The following PCGF6 variants were observed in gnomAD, a reference collection of about 807,000 sequenced individuals.
PCGF6 encodes the protein polycomb group ring finger 6, also known as polycomb group RING finger protein 6.
Under a neutral mutation model 45.5 loss-of-function variants are expected in PCGF6, and 24 were observed. That is an observed-to-expected ratio of 0.53 (90% CI 0.38 to 0.74). The LOEUF is 0.74. Among genes scored for constraint, PCGF6 ranks in the 30% least tolerant of loss-of-function variants. PCGF6 has a pLI of 0.00. For missense variants in PCGF6, 356 were observed against 443.2 expected (o/e 0.80, Z 1.77); for synonymous variants, 152 against 162.1 (o/e 0.94, Z 0.47).
intron 9 of PCGF6, among the ~76,000 whole-genome samples, chr10:103,308,609 C>T (rs1362108241): frequency 6.6e-6 from 1 of 151,998 alleles, no homozygotes; most frequent in African/African-American, 2.4e-5. Flanking sequence ...TGGTGGATCA[C>T]GCCTGTAATC....
intron 8 of PCGF6, among the ~76,000 whole-genome samples, chr10:103,319,967 C>T (rs1273234593): frequency 6.6e-6 from 1 of 151,918 alleles, no homozygotes; most frequent in Non-Finnish European, 1.5e-5. Context: ...ACCACCATGC[C>T]CAGCTAATTT....
chr10:103,317,429 T>C (rs1184059146), intron 8 of PCGF6, among the ~76,000 whole-genome samples: 2 of 152,192 alleles, frequency 1.3e-5, no homozygotes, highest in Admixed American at 1.3e-4. Context: ...TACAGATCTT[T>C]AAATTTTTTG....
intron 6 of PCGF6, among the ~76,000 whole-genome samples, chr10:103,340,396 G>C (rs116501581): frequency 0.013 from 2,032 of 151,852 alleles, 50 homozygotes; most frequent in African/African-American, 0.047. Flanking sequence ...TGACTGCCTT[G>C]AGCAGTGTGG....
intron 9 of PCGF6, among the ~76,000 whole-genome samples, chr10:103,305,356 C>T (rs1158139685): frequency 5.3e-5 from 8 of 151,994 alleles, no homozygotes; most frequent in Non-Finnish European, 1.0e-4. Context: ...CTGCAACCTC[C>T]GCCTCCCGGG....
intron 8 of PCGF6, among the ~76,000 whole-genome samples, chr10:103,319,645 A>C (rs2093189308): frequency 6.6e-6 from 1 of 152,094 alleles, no homozygotes; most frequent in Non-Finnish European, 1.5e-5. Flanking sequence ...GATGGCATGA[A>C]TTTTGTCTCA....
intron 8 of PCGF6, among the ~76,000 whole-genome samples, chr10:103,316,292 C>T (rs2093176125): frequency 6.6e-6 from 1 of 152,104 alleles, no homozygotes; most frequent in Non-Finnish European, 1.5e-5. Context: ...TTCTTATCTT[C>T]AATACTGTTT....
chr10:103,349,029 A>G, intron 1 of PCGF6, 30 bp from the exon 2 acceptor site: 2 of 1,559,336 alleles, frequency 1.3e-6, no homozygotes, highest in Non-Finnish European at 1.8e-6. Flanking sequence ...GTTTTAAAAT[A>G]CAAGTCCTTG....
At position 103,347,413 on chromosome 10, in the gene PCGF6, C is replaced by G; in HGVS notation, c.595G>C (p.Val199Leu). ...RQLQDIVYKL[V>L]INLEEREKKQ... ...AACTTACTTTCCTCTAGATTGATCA[C>G]TAATTTGTACACTATGTCTTGTAAC... The change falls in exon 4 of 10, where the codon GTG becomes CTG. Residue 199 changes from valine to leucine, a missense_variant. By Grantham distance (32) the Val-to-Leu change is conservative (BLOSUM62 1). Coordinates refer to ENST00000369847, the MANE Select transcript of PCGF6 (RefSeq NM_001011663.2). 6.2e-7 allele frequency: 1 copy of G among 1,607,728 alleles called. No homozygotes were observed. The highest frequency in any genetic ancestry group is 1.7e-4 in the Middle Eastern group (1 of 5,752).
chr10:103,327,800 G>A (rs2093224557), intron 7 of PCGF6, among the ~76,000 whole-genome samples: 3 of 151,108 alleles, frequency 2.0e-5, no homozygotes, highest in African/African-American at 4.9e-5. Flanking sequence ...TCAGTCTCCC[G>A]AGTAGCTGGG....
intron 5 of PCGF6, among the ~76,000 whole-genome samples, chr10:103,346,265 G>A (rs2093299081): frequency 6.6e-6 from 1 of 151,978 alleles, no homozygotes; most frequent in Non-Finnish European, 1.5e-5. Flanking sequence ...GCCAAGGTGG[G>A]AAGATCACCT....
intron 1 of PCGF6, among the ~76,000 whole-genome samples, chr10:103,349,269 A>G (rs2093311098): frequency 6.6e-6 from 1 of 151,280 alleles, no homozygotes; most frequent in African/African-American, 2.4e-5. Context: ...GCTGGTCTCG[A>G]ACCCCTGGCC....
intron 8 of PCGF6, among the ~76,000 whole-genome samples, chr10:103,326,294 CAGA>C (rs763418431): frequency 4.6e-4 from 68 of 149,134 alleles, no homozygotes; most frequent in Non-Finnish European, 7.2e-4. Flanking sequence ...GAGGCTGACG[CAGA>C]AGAATGGCGT....
At chr10:103,342,983 C>T (rs2093286475) in intron 6 of PCGF6, among the ~76,000 whole-genome samples, 1 of 152,096 alleles carries the variant, frequency 6.6e-6, no homozygotes, top group South Asian at 2.1e-4. Context: ...GGCTGGAGTG[C>T]AGTGGCACCA....
At chr10:103,332,433 G>A (rs1352345253) in intron 7 of PCGF6, among the ~76,000 whole-genome samples, 3 of 152,102 alleles carry the variant, frequency 2.0e-5, no homozygotes, top group Non-Finnish European at 4.4e-5. Flanking sequence ...ATGCCAACAT[G>A]CAGAGCTAAC....
Position 103,319,893 on chromosome 10 carries a change from C to A in PCGF6, c.910-5621G>T, listed in dbSNP as rs530334707. On this transcript the variant is annotated intron_variant, in intron 8 of 9. Coordinates refer to ENST00000369847, the MANE Select transcript of PCGF6 (RefSeq NM_001011663.2). The stretch of plus-strand genomic sequence containing the variant: ...CGATCTCGGCTCACCGCAACCTCCA[C>A]CTCCTGGATTCATGTGATTCTCCTG... Among the ~76,000 whole-genome samples, 137 of 152,264 alleles carry A rather than the reference C, an allele frequency of 9.0e-4. 1 individual carries two copies. The South Asian group carries it at 0.022, about 24-fold the overall frequency.
At chr10:103,349,974 T>C (rs1028685162) in intron 1 of PCGF6, among the ~76,000 whole-genome samples, 1 of 151,608 alleles carries the variant, frequency 6.6e-6, no homozygotes, top group East Asian at 2.0e-4. Context: ...TCCCAGCTAC[T>C]CTAAAGGCTG....
At chr10:103,349,079 C>CAAA in intron 1 of PCGF6, 80 bp from the exon 2 acceptor site, 1 of 1,202,930 alleles carries the variant, frequency 8.3e-7, no homozygotes, top group Non-Finnish European at 1.2e-6. Flanking sequence ...GACAGAGTCT[C>CAAA]ACTCTGTAGC....
intron 1 of PCGF6, among the ~76,000 whole-genome samples, chr10:103,349,541 C>T (rs1450859685): frequency 3.4e-5 from 4 of 118,092 alleles, no homozygotes; most frequent in Non-Finnish European, 5.0e-5. Context: ...AGTGCAGCGG[C>T]AAGATCTCGG....
In PCGF6 at chr10:103,314,332, T is replaced by C. The variant is rs764155753; in HGVS notation, c.910-60A>G. On this transcript the variant is annotated intron_variant, in intron 8 of 9. Transcript: ENST00000369847. ...TGCTTCAAAATACCATCTGAAGAAA[T>C]GAGGAAAACAAATCAACATAAATTG... 5.1e-6 allele frequency: 5 copies of C among 989,404 alleles called. No homozygotes were observed. In the South Asian group the frequency reaches 6.0e-5, roughly 12 times the overall value. 61.3% of individuals were successfully genotyped at this position (989,404 alleles called of 1,614,324 possible).
Sources: allele counts gnomAD v4.1 joint callset (sites outside exome capture counted in the v4.1 genomes callset), GRCh38; gene constraint gnomAD v4.1.1; transcripts MANE v1.5; gene names NCBI Gene and HGNC (gene_info 2026-07-23, HGNC 2026-07-21).